AGBL4: variants seen among roughly 807,000 people sequenced by gnomAD.
AGBL4 encodes the protein cytosolic carboxypeptidase 6.
In AGBL4, 58 loss-of-function variants were observed where a neutral mutation model predicts 66.4. That is an observed-to-expected ratio of 0.87 (90% confidence interval 0.71 to 1.09). The LOEUF (loss-of-function observed/expected upper bound fraction) is 1.09. Ranked by LOEUF, AGBL4 falls within the 50% of genes least tolerant of loss-of-function variation. The pLI is 0.00. For synonymous variants in AGBL4, 234 were observed against 222.9 expected (o/e 1.05, Z -0.44); for missense variants, 579 against 631.0 (o/e 0.92, Z 0.88).
At chr1:49,451,839 A>C (rs1439678248) in intron 3 of AGBL4, among the ~76,000 whole-genome samples, 1 of 151,886 alleles carries the variant, frequency 6.6e-6, no homozygotes, top group East Asian at 1.9e-4. Flanking sequence ...AAATTACCTC[A>C]CCCATTGGGG....
intron 3 of AGBL4, among the ~76,000 whole-genome samples, chr1:49,588,042 G>T (rs1246288382): frequency 1.3e-5 from 2 of 151,972 alleles, no homozygotes; most frequent in African/African-American, 4.8e-5. Flanking sequence ...TATGCATCTT[G>T]GTTCACCAGG....
chr1:49,406,212 T>C (rs2148619337), intron 3 of AGBL4, among the ~76,000 whole-genome samples: 1 of 152,286 alleles, frequency 6.6e-6, no homozygotes, highest in African/African-American at 2.4e-5. Flanking sequence ...GCCCTAGAGA[T>C]TTGATTATTT....
At chr1:49,845,366 C>A in intron 2 of AGBL4, 1 of 1,401,296 alleles carries the variant, frequency 7.1e-7, no homozygotes, top group South Asian at 1.2e-5. Context: ...AGTTTTATGT[C>A]CTCCTTTAGC....
intron 3 of AGBL4, among the ~76,000 whole-genome samples, chr1:49,433,389 T>C (rs543002299): frequency 6.6e-6 from 1 of 152,264 alleles, no homozygotes; most frequent in African/African-American, 2.4e-5. Context: ...CATAATTGAA[T>C]TGAATTAGAG....
At chr1:48,973,104 T>C (rs1659045482) in intron 5 of AGBL4, among the ~76,000 whole-genome samples, 1 of 152,184 alleles carries the variant, frequency 6.6e-6, no homozygotes, top group Non-Finnish European at 1.5e-5. Flanking sequence ...AGTATAATGC[T>C]AGGGATGCCC....
Position 49,944,051 on chromosome 1 carries a change from C to A in AGBL4, c.34+79712G>T, listed in dbSNP as rs193098513. 1.6e-3 allele frequency among the ~76,000 whole-genome samples: 249 copies of A among 152,052 alleles called. 2 individuals carry two copies. The South Asian group carries it at 0.021, about 13-fold the overall frequency. ...CCCACAGCAGCAACAGCAAGACCTG[C>A]CCAAGGAAAGTCTGAGCTCAGACAC... On this transcript the variant is annotated intron_variant, in intron 1 of 13. Transcript: ENST00000371839.
intron 11 of AGBL4, among the ~76,000 whole-genome samples, chr1:48,558,325 A>T (rs530889648): frequency 6.6e-6 from 1 of 152,334 alleles, no homozygotes; most frequent in Admixed American, 6.5e-5. Flanking sequence ...GAGGGCACCA[A>T]AAGTGGACAT....
chr1:49,341,234 T>A (rs1645533611), intron 3 of AGBL4, among the ~76,000 whole-genome samples: 1 of 152,196 alleles, frequency 6.6e-6, no homozygotes, highest in African/African-American at 2.4e-5. Context: ...TCAGGACCTC[T>A]TTCCAGTAAC....
chr1:49,524,163 A>G (rs1231459674), intron 3 of AGBL4, among the ~76,000 whole-genome samples: 2 of 152,116 alleles, frequency 1.3e-5, no homozygotes, highest in Non-Finnish European at 2.9e-5. Flanking sequence ...CTTAAGTTTG[A>G]TATTCTAAGC....
intron 9 of AGBL4, among the ~76,000 whole-genome samples, chr1:48,625,481 T>A (rs1645488915): frequency 6.6e-6 from 1 of 152,130 alleles, no homozygotes. Flanking sequence ...TAGTGGAGTA[T>A]GGGAGCTGCG....
At chr1:49,577,699 G>C (rs957850732) in intron 3 of AGBL4, among the ~76,000 whole-genome samples, 10 of 152,228 alleles carry the variant, frequency 6.6e-5, no homozygotes, top group African/African-American at 2.4e-4. Flanking sequence ...TACCGCTAAA[G>C]AAGAGTGGCA....
intron 6 of AGBL4, among the ~76,000 whole-genome samples, chr1:48,686,740 C>T (rs1646538742): frequency 6.6e-6 from 1 of 152,144 alleles, no homozygotes; most frequent in Non-Finnish European, 1.5e-5. Context: ...TGCCATGGAT[C>T]AGTTGCTTGA....
intron 6 of AGBL4, among the ~76,000 whole-genome samples, chr1:48,744,730 C>T (rs1186128914): frequency 1.3e-5 from 2 of 152,160 alleles, no homozygotes; most frequent in African/African-American, 2.4e-5. Context: ...GCTTAGGCTG[C>T]CCACTACCCT....
chr1:48,991,494 C>T (rs1466647800), intron 5 of AGBL4, among the ~76,000 whole-genome samples: 2 of 152,120 alleles, frequency 1.3e-5, no homozygotes, highest in Non-Finnish European at 2.9e-5. Context: ...TTATAACCTA[C>T]TTGTACTTGA....
intron 2 of AGBL4, among the ~76,000 whole-genome samples, chr1:49,823,565 G>T (rs1395346765): frequency 6.6e-6 from 1 of 152,088 alleles, no homozygotes; most frequent in Non-Finnish European, 1.5e-5. Flanking sequence ...GCTACCTTTG[G>T]ACCTCAAATT....
At chr1:48,705,979 A>G (rs986283444) in intron 6 of AGBL4, among the ~76,000 whole-genome samples, 1 of 152,234 alleles carries the variant, frequency 6.6e-6, no homozygotes, top group East Asian at 1.9e-4. Flanking sequence ...AGAGAACAAT[A>G]AAAAGTGAAT....
the AGBL4 span, among the ~76,000 whole-genome samples, chr1:48,524,541 G>C: frequency 6.6e-6 from 1 of 152,192 alleles, no homozygotes; most frequent in South Asian, 2.1e-4. Context: ...GGCTGGGGCA[G>C]AGGGGTGATC....
chr1:49,644,499 T>C (rs1645846408), intron 3 of AGBL4, among the ~76,000 whole-genome samples: 1 of 151,536 alleles, frequency 6.6e-6, no homozygotes, highest in African/African-American at 2.4e-5. Flanking sequence ...AAAGCAGGAA[T>C]GTCTATATTA....
At position 49,655,417 on chromosome 1, in the gene AGBL4, G is replaced by A. The variant is rs928204894; in HGVS notation, c.282+41896C>T. ...GGTGAATCTGACAATTAAGTGTCTT[G>A]GAGTTGCTCTTCTCGAGTAGTATCT... On this transcript the variant is annotated intron_variant, in intron 3 of 13. Coordinates refer to ENST00000371839, the MANE Select transcript of AGBL4 (RefSeq NM_032785.4). 1.3e-4 allele frequency among the ~76,000 whole-genome samples: 20 copies of A among 152,012 alleles called. 1 individual carries two copies. The highest frequency in any genetic ancestry group is 8.5e-4 in the Admixed American group (13 of 15,256).
Sources: gnomAD v4.1 joint callset for allele counts (sites outside exome capture counted in the v4.1 genomes callset) on GRCh38, gnomAD v4.1.1 for gene constraint, MANE v1.5 for transcripts, NCBI Gene and HGNC (gene_info 2026-07-23, HGNC 2026-07-21) for gene names.